MARCHF10: variants seen among roughly 807,000 people sequenced by gnomAD.
MARCHF10 encodes the protein membrane associated ring-CH-type finger 10.
Under a neutral mutation model 76.2 loss-of-function variants are expected in MARCHF10, and 64 were observed. The observed-to-expected ratio is 0.84, with a 90% CI of 0.69 to 1.03. MARCHF10 has a LOEUF of 1.03. Ranked by LOEUF, MARCHF10 falls within the 50% of genes least tolerant of loss-of-function variation. The pLI is 0.00. For missense variants in MARCHF10, 875 were observed against 958.0 expected, an observed-to-expected ratio of 0.91 and a Z score of 1.14; for synonymous variants, 340 against 357.5, an observed-to-expected ratio of 0.95 and a Z score of 0.55.
intron 8 of MARCHF10, among the ~76,000 whole-genome samples, chr17:62,722,187 G>A (rs889442998): frequency 2.0e-5 from 3 of 151,544 alleles, no homozygotes; most frequent in Admixed American, 6.6e-5. Flanking sequence ...GGAGGCTGAG[G>A]TGGGAGGATC....
intron 2 of MARCHF10, among the ~76,000 whole-genome samples, chr17:62,801,038 C>CCA (rs1285560267): frequency 6.6e-6 from 1 of 152,154 alleles, no homozygotes; most frequent in East Asian, 1.9e-4. Flanking sequence ...GCCCTAATGC[C>CCA]ACTGGTGGAC....
At chr17:62,794,730 C>T (rs1041518054) in intron 2 of MARCHF10, among the ~76,000 whole-genome samples, 8 of 152,178 alleles carry the variant, frequency 5.3e-5, no homozygotes, top group African/African-American at 1.7e-4. Flanking sequence ...ATCAGAACCA[C>T]GACCCGACTT....
intron 6 of MARCHF10, among the ~76,000 whole-genome samples, chr17:62,726,664 G>C (rs1024469551): frequency 1.3e-5 from 2 of 152,112 alleles, no homozygotes; most frequent in African/African-American, 4.8e-5. Flanking sequence ...ATGGAGTCTT[G>C]CTCTGTCACC....
chr17:62,746,858 C>A (rs1451751714), intron 4 of MARCHF10: 1 of 1,530,032 alleles, frequency 6.5e-7, no homozygotes. Context: ...CCCGCCACTG[C>A]ATTCACCTTC....
chr17:62,785,597 G>C (rs941841549), intron 3 of MARCHF10, among the ~76,000 whole-genome samples: 1 of 152,134 alleles, frequency 6.6e-6, no homozygotes, highest in Non-Finnish European at 1.5e-5. Context: ...GCAACCTACA[G>C]AATGGGAGAA....
At chr17:62,749,005 T>C (rs2091804678) in intron 4 of MARCHF10, among the ~76,000 whole-genome samples, 2 of 152,220 alleles carry the variant, frequency 1.3e-5, no homozygotes, top group African/African-American at 4.8e-5. Context: ...CTCAATATCC[T>C]GTTTATCAAT....
intron 3 of MARCHF10, among the ~76,000 whole-genome samples, chr17:62,775,986 T>C (rs2148039113): frequency 6.6e-6 from 1 of 152,096 alleles, no homozygotes; most frequent in South Asian, 2.1e-4. Context: ...TTTGTAATGA[T>C]GAGGTGTTGC....
chr17:62,720,409 A>G (rs550773075), intron 8 of MARCHF10, among the ~76,000 whole-genome samples: 1 of 152,306 alleles, frequency 6.6e-6, no homozygotes, highest in Admixed American at 6.5e-5. Flanking sequence ...AGTGCTTCTC[A>G]GTTTCTCTAT....
At position 62,736,725 on chromosome 17, in the gene MARCHF10, A is replaced by C; in HGVS notation, c.1143T>G (p.Asp381Glu). Residue 381 changes from aspartate (D) to glutamate (E), a missense_variant, in exon 6 of 11, where the codon GAT becomes GAG. Coordinates refer to ENST00000311269, the MANE Select transcript of MARCHF10 (RefSeq NM_152598.4). ...QRLSQDPGLP[D>E]RESATEKDRG... ...TGTCCTTCTCTGTAGCAGATTCCCTATCAGGCAGCCCGGGGTCTTGGGACA... is the reference window on the plus strand; with the variant it reads ...TGTCCTTCTCTGTAGCAGATTCCCTCTCAGGCAGCCCGGGGTCTTGGGACA... The C allele has an allele frequency of 1.2e-6, 2 of 1,614,094 alleles. No homozygotes were observed. The highest frequency in any genetic ancestry group is 1.7e-6 in the Non-Finnish European group (2 of 1,180,004).
chr17:62,706,560 T>C (rs1295773290), intron 9 of MARCHF10: 1 of 152,222 alleles, frequency 6.6e-6, no homozygotes. Flanking sequence ...CTTTCGGTTT[T>C]GTAGAAATGA....
At chr17:62,778,525 G>GT (rs1289084666) in intron 3 of MARCHF10, among the ~76,000 whole-genome samples, 1 of 152,050 alleles carries the variant, frequency 6.6e-6, no homozygotes. Flanking sequence ...GAGGTCAGGA[G>GT]TTCAAGACCA....
At chr17:62,727,386 T>C (rs2090811227) in intron 6 of MARCHF10, among the ~76,000 whole-genome samples, 1 of 152,106 alleles carries the variant, frequency 6.6e-6, no homozygotes, top group African/African-American at 2.4e-5. Flanking sequence ...TAGTTGAGTC[T>C]GGCCGGGTGC....
intron 2 of MARCHF10, chr17:62,794,995 C>T: frequency 1.0e-6 from 1 of 984,904 alleles, no homozygotes; most frequent in Non-Finnish European, 1.2e-6. Flanking sequence ...CCTGTTTTGG[C>T]TGTGAAGAGT....
At position 62,773,785 on chromosome 17, in the gene MARCHF10, G is replaced by A. The variant is rs143685581; in HGVS notation, c.211-13779C>T. 7.0e-4 allele frequency among the ~76,000 whole-genome samples: 107 copies of A among 152,264 alleles called. No individual in the cohort carries two copies. The East Asian group carries it at 0.014, about 21-fold the overall frequency. ...CGTGAAGATTAGGGAGAAGGAAGAC[G>A]GTTTGAGGAGGAAGACAGCGTTGAC... On this transcript the variant is annotated intron_variant, in intron 3 of 10. Transcript: ENST00000311269.
At chr17:62,743,456 A>C (rs922911167) in intron 5 of MARCHF10, among the ~76,000 whole-genome samples, 2 of 152,162 alleles carry the variant, frequency 1.3e-5, no homozygotes, top group African/African-American at 4.8e-5. Context: ...GAGACGGGCC[A>C]ACATGGTGAA....
At chr17:62,744,216 G>A (rs1034665259) in intron 5 of MARCHF10, among the ~76,000 whole-genome samples, 160 bp downstream of exon 5, 9 of 152,082 alleles carry the variant, frequency 5.9e-5, no homozygotes, top group Non-Finnish European at 8.8e-5. Flanking sequence ...AAAAGCCCTA[G>A]GATCATACAA....
chr17:62,724,657 C>T (rs2090661735), intron 7 of MARCHF10, among the ~76,000 whole-genome samples: 3 of 152,126 alleles, frequency 2.0e-5, no homozygotes, highest in South Asian at 4.1e-4. Context: ...AGGCCTCAAG[C>T]AGAGGTAGAA....
intron 3 of MARCHF10, among the ~76,000 whole-genome samples, chr17:62,787,883 G>C (rs1424651602): frequency 6.6e-6 from 1 of 151,870 alleles, no homozygotes; most frequent in Non-Finnish European, 1.5e-5. Flanking sequence ...AATGGTAACT[G>C]CTTAATTATT....
intron 4 of MARCHF10, among the ~76,000 whole-genome samples, chr17:62,749,680 G>A (rs1395425133): frequency 6.6e-6 from 1 of 152,206 alleles, no homozygotes. Context: ...TTGGAACTCA[G>A]GGGTGGGATT....
Sources: allele counts gnomAD v4.1 joint callset (sites outside exome capture counted in the v4.1 genomes callset), GRCh38; gene constraint gnomAD v4.1.1; transcripts MANE v1.5; gene names NCBI Gene and HGNC (gene_info 2026-07-23, HGNC 2026-07-21).